ARHGAP6: variants seen among roughly 807,000 people sequenced by gnomAD.
The protein encoded by ARHGAP6 is Rho GTPase activating protein 6.
Under a neutral mutation model 55.7 loss-of-function variants are expected in ARHGAP6, and 16 were observed. That is an observed-to-expected ratio of 0.29 (90% CI 0.19 to 0.44). The LOEUF is 0.44. Ranked by LOEUF, ARHGAP6 falls within the 20% of genes least tolerant of loss-of-function variation. The pLI is 1.00. For missense variants in ARHGAP6, 698 were observed against 808.9 expected, an observed-to-expected ratio of 0.86 and a Z score of 1.66; for synonymous variants, 382 against 360.9, an observed-to-expected ratio of 1.06 and a Z score of -0.66.
intron 1 of ARHGAP6, among the ~76,000 whole-genome samples, chrX:11,504,037 G>T (rs1422040748): frequency 9.3e-6 from 1 of 107,948 alleles, no homozygotes; most frequent in Non-Finnish European, 1.9e-5. Context: ...GGCTGATGGA[G>T]TTATGTATCA....
At chrX:11,570,524 T>C (rs2051501073) in intron 1 of ARHGAP6, among the ~76,000 whole-genome samples, 1 of 110,561 alleles carries the variant, frequency 9.0e-6, no homozygotes, top group African/African-American at 3.3e-5. Flanking sequence ...CTAGGAACTA[T>C]GGTAAGTGTT....
At chrX:11,230,610 A>AGTGTGTGTGT (rs3030687) in intron 2 of ARHGAP6, among the ~76,000 whole-genome samples, 7 of 98,154 alleles carry the variant, frequency 7.1e-5, no homozygotes, top group Non-Finnish European at 1.0e-4. Flanking sequence ...AGTTATTAGG[A>AGTGTGTGTGT]GTGTGTGTGT....
intron 1 of ARHGAP6, 88 bp downstream of exon 1, chrX:11,664,153 T>C: frequency 8.7e-6 from 8 of 915,086 alleles, no homozygotes; most frequent in Non-Finnish European, 1.0e-5. Context: ...TGCCTTGCTC[T>C]GTAAATGTAA....
chrX:11,562,761 T>C (rs1268136183), intron 1 of ARHGAP6, among the ~76,000 whole-genome samples: 10 of 111,768 alleles, frequency 8.9e-5, no homozygotes, highest in African/African-American at 3.2e-4. Flanking sequence ...ACAGTGACCT[T>C]CCCTCTGGCT....
chrX:11,530,677 CT>C lies in ARHGAP6; in HGVS notation c.588+133563del, dbSNP rs2051038478. ...AAGAATTGTACAAGGGAGCAGAGAT[CT>C]TTTTTTAAAAATCCTTGAGCATGAG... On this transcript the variant is annotated intron_variant, in intron 1 of 12. Coordinates refer to ENST00000337414, the MANE Select transcript of ARHGAP6 (RefSeq NM_013427.3). Among the ~76,000 whole-genome samples, 3 of 111,782 alleles carry C rather than the reference CT, an allele frequency of 2.7e-5. No homozygotes were observed. In the South Asian group the frequency reaches 1.1e-3, roughly 42 times the overall value.
chrX:11,283,177 G>A (rs948533728), intron 1 of ARHGAP6, among the ~76,000 whole-genome samples: 1 of 111,588 alleles, frequency 9.0e-6, no homozygotes, highest in Non-Finnish European at 1.9e-5. Flanking sequence ...TAGTCATATC[G>A]TGCTCTATGT....
At chrX:11,389,478 G>A (rs1197592686) in intron 1 of ARHGAP6, among the ~76,000 whole-genome samples, 1 of 112,566 alleles carries the variant, frequency 8.9e-6, no homozygotes, top group Non-Finnish European at 1.9e-5. Context: ...GGCCAACCAA[G>A]TGAAGTTGCT....
intron 2 of ARHGAP6, among the ~76,000 whole-genome samples, chrX:11,225,090 C>T (rs1461470507): frequency 9.0e-6 from 1 of 111,322 alleles, no homozygotes; most frequent in East Asian, 2.8e-4. Flanking sequence ...GATGCGATCT[C>T]ACCCATGGTT....
At chrX:11,157,331 A>G (rs1189022709) in intron 9 of ARHGAP6, among the ~76,000 whole-genome samples, 1 of 112,647 alleles carries the variant, frequency 8.9e-6, no homozygotes, top group East Asian at 2.8e-4. Flanking sequence ...ACATTTGCAT[A>G]TGTCACTTTA....
rs1315215967 is a variant in ARHGAP6 at position 11,661,587 on chromosome X, T to A, written c.588+2654A>T. Among the ~76,000 whole-genome samples the A allele has an allele frequency of 2.7e-5, 3 of 112,645 alleles. No individual in the cohort carries two copies. The East Asian group carries it at 8.3e-4, about 31-fold the overall frequency. ...CTGAAAGAACAAAGTGGGAAATGGATGAGATCCATCAATGGCTAAACCTGA... is the reference window on the plus strand; with the variant it reads ...CTGAAAGAACAAAGTGGGAAATGGAAGAGATCCATCAATGGCTAAACCTGA... On this transcript the variant is annotated intron_variant, in intron 1 of 12. Transcript: ENST00000337414.
chrX:11,190,496 G>C (rs777666563), intron 3 of ARHGAP6, among the ~76,000 whole-genome samples: 1 of 66,687 alleles, frequency 1.5e-5, no homozygotes, highest in Admixed American at 1.5e-4. Context: ...TATCTATATA[G>C]ATATATCTCT....
intron 2 of ARHGAP6, among the ~76,000 whole-genome samples, chrX:11,231,853 A>T (rs2047134397): frequency 1.8e-5 from 2 of 112,333 alleles, no homozygotes; most frequent in Admixed American, 1.9e-4. Context: ...AACAGTGATG[A>T]TGGTATCTGT....
At chrX:11,157,760 T>C (rs774099456) in intron 9 of ARHGAP6, among the ~76,000 whole-genome samples, 1 of 112,643 alleles carries the variant, frequency 8.9e-6, no homozygotes, top group African/African-American at 3.2e-5. Flanking sequence ...TCTACAGTTC[T>C]TGAGCTCTGA....
At chrX:11,358,431 A>ATCTATCTTTCTT (rs1421816647) in intron 1 of ARHGAP6, among the ~76,000 whole-genome samples, 11 of 72,503 alleles carry the variant, frequency 1.5e-4, no homozygotes, top group Non-Finnish European at 2.3e-4. Flanking sequence ...TTTTAACTGT[A>ATCTATCTTTCTT]TCTTTCTTTC....
At chrX:11,348,686 G>C (rs751468095) in intron 1 of ARHGAP6, among the ~76,000 whole-genome samples, 4 of 111,897 alleles carry the variant, frequency 3.6e-5, no homozygotes, top group Non-Finnish European at 7.5e-5. Context: ...GACTCCCTCT[G>C]TTACCCAGGC....
At chrX:11,636,270 A>G (rs1414320710) in intron 1 of ARHGAP6, among the ~76,000 whole-genome samples, 1 of 112,042 alleles carries the variant, frequency 8.9e-6, no homozygotes, top group Non-Finnish European at 1.9e-5. Flanking sequence ...AATTAAGTCA[A>G]CCTGCTCAAC....
At position 11,537,098 on chromosome X, in the gene ARHGAP6, A is replaced by G. The variant is rs182558621; in HGVS notation, c.588+127143T>C. 7.0e-4 allele frequency among the ~76,000 whole-genome samples: 79 copies of G among 112,518 alleles called. 2 individuals carry two copies. In the East Asian group the frequency reaches 0.014, roughly 20 times the overall value. Reference sequence around the variant, plus strand: ...TACAACATCCAATTTTAGCTGGCATATACCCATCTAGAATAAATATTAGAT... The same window carrying G: ...TACAACATCCAATTTTAGCTGGCATGTACCCATCTAGAATAAATATTAGAT... On this transcript the variant is annotated intron_variant, in intron 1 of 12. Transcript: ENST00000337414.
chrX:11,331,073 A>G (rs1220291091), intron 1 of ARHGAP6, among the ~76,000 whole-genome samples: 1 of 111,932 alleles, frequency 8.9e-6, no homozygotes, highest in Non-Finnish European at 1.9e-5. Context: ...TCCCCAAGAT[A>G]GATCATACAA....
chrX:11,411,304 T>C (rs1603188926), intron 1 of ARHGAP6, among the ~76,000 whole-genome samples: 1 of 99,278 alleles, frequency 1.0e-5, no homozygotes, highest in Non-Finnish European at 2.0e-5. Flanking sequence ...ATAATAAACA[T>C]AAATATATAA....
Sources: gnomAD v4.1 joint callset for allele counts (sites outside exome capture counted in the v4.1 genomes callset) on GRCh38, gnomAD v4.1.1 for gene constraint, MANE v1.5 for transcripts, NCBI Gene and HGNC (gene_info 2026-07-23, HGNC 2026-07-21) for gene names.